STXBP5L: variants seen among roughly 807,000 people sequenced by gnomAD.
STXBP5L encodes the protein syntaxin-binding protein 5-like.
Under a neutral mutation model 144.5 loss-of-function variants are expected in STXBP5L, and 65 were observed. The ratio of observed to expected loss-of-function variants is 0.45; its 90% CI spans 0.37 to 0.55. STXBP5L has a LOEUF of 0.55. Among genes scored for constraint, STXBP5L ranks in the 20% least tolerant of loss-of-function variants. The pLI, the probability that STXBP5L is intolerant of heterozygous loss-of-function variation, is 0.00. For missense variants in STXBP5L, 1,298 were observed against 1,405.5 expected, an observed-to-expected ratio of 0.92 and a Z score of 1.22; for synonymous variants, 505 against 469.6, an observed-to-expected ratio of 1.08 and a Z score of -0.97.
intron 22 of STXBP5L, among the ~76,000 whole-genome samples, chr3:121,399,281 G>T (rs1015968264): frequency 2.0e-5 from 3 of 152,066 alleles, no homozygotes; most frequent in Non-Finnish European, 4.4e-5. Context: ...AAGAGTACTC[G>T]GGTGTCCTCC....
At chr3:121,369,424 C>A (rs747949064) in intron 20 of STXBP5L, among the ~76,000 whole-genome samples, 1 of 147,450 alleles carries the variant, frequency 6.8e-6, no homozygotes, top group Non-Finnish European at 1.5e-5. Context: ...TTAGTTTTTT[C>A]TTTCTTCTTT....
At position 121,018,811 on chromosome 3, in the gene STXBP5L, A is replaced by T. The variant is rs981174891; in HGVS notation, c.288-22889A>T. On this transcript the variant is annotated intron_variant, in intron 3 of 26. Coordinates refer to ENST00000471454, the MANE Select transcript of STXBP5L (RefSeq NM_001308330.2). ...GACAGAACAGCATGTGGAGACCCAC[A>T]TCATGAACTTTTACTTCATGAATTA... Among the ~76,000 whole-genome samples the T allele has an allele frequency of 3.9e-5, 6 of 152,214 alleles. No homozygotes were observed. The South Asian group carries it at 6.2e-4, about 16-fold the overall frequency.
intron 3 of STXBP5L, among the ~76,000 whole-genome samples, chr3:120,969,602 G>T (rs1940007729): frequency 6.6e-6 from 1 of 151,662 alleles, no homozygotes; most frequent in Non-Finnish European, 1.5e-5. Flanking sequence ...GGAGTCTTAG[G>T]CATGAATTCT....
intron 19 of STXBP5L, among the ~76,000 whole-genome samples, chr3:121,298,093 A>C (rs2051731190): frequency 6.6e-6 from 1 of 152,162 alleles, no homozygotes; most frequent in Non-Finnish European, 1.5e-5. Context: ...TTACATGCCC[A>C]CCAATAGTGC....
At chr3:121,051,215 C>T (rs1947961404) in intron 5 of STXBP5L, among the ~76,000 whole-genome samples, 1 of 152,172 alleles carries the variant, frequency 6.6e-6, no homozygotes, top group Non-Finnish European at 1.5e-5. Context: ...GAATTGTACT[C>T]AGCTCTGCAC....
At chr3:120,948,712 G>A (rs1711008652) in intron 2 of STXBP5L, among the ~76,000 whole-genome samples, 1 of 151,792 alleles carries the variant, frequency 6.6e-6, no homozygotes, top group African/African-American at 2.4e-5. Flanking sequence ...ACTCCACCCA[G>A]GTTTCTGTAA....
At chr3:121,046,450 A>G (rs1436268149) in intron 5 of STXBP5L, among the ~76,000 whole-genome samples, 1 of 151,970 alleles carries the variant, frequency 6.6e-6, no homozygotes, top group African/African-American at 2.4e-5. Context: ...GCTATTCTTT[A>G]TGCATCTGGT....
intron 19 of STXBP5L, among the ~76,000 whole-genome samples, chr3:121,300,029 A>G (rs2051825771): frequency 6.6e-6 from 1 of 151,960 alleles, no homozygotes; most frequent in Non-Finnish European, 1.5e-5. Context: ...CTTTATAGTC[A>G]AACTACTAAA....
At chr3:120,983,703 G>T (rs570502057) in intron 3 of STXBP5L, among the ~76,000 whole-genome samples, 1 of 152,172 alleles carries the variant, frequency 6.6e-6, no homozygotes, top group South Asian at 2.1e-4. Context: ...AGCCCTAGGG[G>T]TCTCTCACTC....
intron 19 of STXBP5L, among the ~76,000 whole-genome samples, chr3:121,298,159 T>C (rs565192608): frequency 4.6e-5 from 7 of 152,330 alleles, no homozygotes; most frequent in African/African-American, 1.7e-4. Context: ...TCTGTTTTTG[T>C]TTGTTTGTTT....
rs1019122884 is a variant in STXBP5L at position 121,159,842 on chromosome 3, C to T, written c.877+2215C>T. ...AGAGACGGGGTTTCACCGTGTTAGC[C>T]AGGATGGTCTCGATCTCCTGACCTC... On this transcript the variant is annotated intron_variant, in intron 9 of 26. Coordinates refer to ENST00000471454, the MANE Select transcript of STXBP5L (RefSeq NM_001308330.2). 2.0e-5 allele frequency among the ~76,000 whole-genome samples: 3 copies of T among 151,924 alleles called. No homozygotes were observed. In the East Asian group the frequency reaches 5.8e-4, roughly 29 times the overall value.
chr3:121,054,880 C>G (rs1222544571), intron 5 of STXBP5L, among the ~76,000 whole-genome samples: 4 of 149,172 alleles, frequency 2.7e-5, no homozygotes, highest in Non-Finnish European at 5.9e-5. Flanking sequence ...ATAGATCTGA[C>G]TGTATACTTT....
chr3:121,149,721 C>G (rs568292701), intron 7 of STXBP5L, among the ~76,000 whole-genome samples: 8 of 151,890 alleles, frequency 5.3e-5, no homozygotes, highest in Middle Eastern at 3.4e-3. Flanking sequence ...GTTAAAATAA[C>G]TAGGTATAAA....
chr3:120,946,375 A>G (rs1576462197), intron 2 of STXBP5L, among the ~76,000 whole-genome samples: 1 of 151,636 alleles, frequency 6.6e-6, no homozygotes, highest in Non-Finnish European at 1.5e-5. Context: ...AACTCCTGCT[A>G]TTGTATCTAT....
rs2049580758 is a variant in STXBP5L at position 121,239,125 on chromosome 3, G to A, written c.1332+7G>A. 2 of 1,486,052 alleles carry A rather than the reference G, an allele frequency of 1.3e-6. No individual in the cohort carries two copies. Among genetic ancestry groups the A allele is most frequent in the Non-Finnish European group, 1.8e-6 (2 of 1,103,960 alleles). The allele number at this position is 1,486,052 out of a possible 1,614,324, so 92.1% of individuals were successfully genotyped here. Reference sequence around the variant, plus strand: ...ACAAGGATACAGTAATAAGGTAAAAGTAGAAATTATAAATAACTTTTTTTG... The same window carrying A: ...ACAAGGATACAGTAATAAGGTAAAAATAGAAATTATAAATAACTTTTTTTG... On this transcript the variant is annotated splice_region_variant and intron_variant, in intron 13 of 26. Coordinates refer to ENST00000471454, the MANE Select transcript of STXBP5L (RefSeq NM_001308330.2).
In STXBP5L at chr3:121,152,457, A is replaced by T. The variant is rs1463429067; in HGVS notation, c.670-20A>T. ...AATTAATGTTAGAATTAAGAAAATG[A>T]TTGTTCTAATGTTTTCCAGCTGCTA... On this transcript the variant is annotated intron_variant, in intron 7 of 26. Coordinates refer to ENST00000471454, the MANE Select transcript of STXBP5L (RefSeq NM_001308330.2). The T allele has an allele frequency of 3.9e-6, 6 of 1,535,286 alleles. No homozygotes were observed. The highest frequency in any genetic ancestry group is 5.3e-6 in the Non-Finnish European group (6 of 1,125,486).
At chr3:121,226,951 A>T (rs1645476445) in intron 11 of STXBP5L, among the ~76,000 whole-genome samples, 1 of 152,200 alleles carries the variant, frequency 6.6e-6, no homozygotes, top group Admixed American at 6.6e-5. Context: ...ACTCTTGAAG[A>T]CAAGCATTTT....
chr3:121,132,747 C>T (rs2045052685), intron 7 of STXBP5L, among the ~76,000 whole-genome samples: 1 of 151,664 alleles, frequency 6.6e-6, no homozygotes, highest in African/African-American at 2.4e-5. Context: ...GTCAATAATG[C>T]AATTCATGAA....
intron 19 of STXBP5L, among the ~76,000 whole-genome samples, chr3:121,286,270 G>T (rs1381802558): frequency 1.3e-5 from 2 of 151,974 alleles, no homozygotes; most frequent in Admixed American, 1.3e-4. Flanking sequence ...GATGATAAGA[G>T]AACTATCCAA....
Sources: gnomAD v4.1 joint callset for allele counts (sites outside exome capture counted in the v4.1 genomes callset) on GRCh38, gnomAD v4.1.1 for gene constraint, MANE v1.5 for transcripts, NCBI Gene and HGNC (gene_info 2026-07-23, HGNC 2026-07-21) for gene names.